The following CENPQ variants were observed in gnomAD, a reference collection of about 807,000 sequenced individuals.
The protein encoded by CENPQ is centromere protein Q.
Under a neutral mutation model 36.6 loss-of-function variants are expected in CENPQ, and 27 were observed. The observed-to-expected ratio is 0.74, with a 90% CI of 0.54 to 1.02. The LOEUF (loss-of-function observed/expected upper bound fraction) is 1.02. Among genes scored for constraint, CENPQ ranks in the 50% least tolerant of loss-of-function variants. The probability of loss-of-function intolerance (pLI) is 0.00; values close to 1 mark genes in which losing one functional copy is unlikely to be tolerated. For missense variants in CENPQ, 306 were observed against 301.8 expected (o/e 1.01, Z -0.10); for synonymous variants, 101 against 101.7 (o/e 0.99, Z 0.04).
At chr6:49,489,869 G>T (rs1378333253) in intron 8 of CENPQ, among the ~76,000 whole-genome samples, 1 of 152,154 alleles carries the variant, frequency 6.6e-6, no homozygotes, top group Non-Finnish European at 1.5e-5. Context: ...TTAACAGTGG[G>T]CTTAAAATAT....
Position 49,488,461 on chromosome 6 carries a change from G to T in CENPQ, c.587G>T (p.Arg196Ile), listed in dbSNP as rs1193168229. 1.2e-6 allele frequency: 2 copies of T among 1,611,938 alleles called. No homozygotes were observed. The highest frequency in any genetic ancestry group is 1.3e-5 in the African/African-American group (1 of 74,918). The change falls in exon 7 of 9, where the codon AGA (arginine) becomes ATA (isoleucine). Residue 196 changes from arginine (R) to isoleucine (I), a missense_variant. Physicochemically the swap from Arg to Ile is moderately conservative, Grantham distance 97 (BLOSUM62 -3). Transcript: ENST00000335783. ...AGTGAGGTGGAAGAAGAAGAGGAGA[G>T]AGTAAAACAGGTAATTATTTTAAAC... ...LASEVEEEEERVKQMHQINSS... is the reference protein window; with the variant it reads ...LASEVEEEEEIVKQMHQINSS...
At chr6:49,478,451 C>A (rs1299602314) in intron 5 of CENPQ, among the ~76,000 whole-genome samples, 1 of 152,062 alleles carries the variant, frequency 6.6e-6, no homozygotes, top group East Asian at 1.9e-4. Flanking sequence ...TCTGGGAAGT[C>A]ATTTTCATAT....
At chr6:49,463,719 C>G (rs1767924863) in intron 1 of CENPQ, among the ~76,000 whole-genome samples, 1 of 152,120 alleles carries the variant, frequency 6.6e-6, no homozygotes, top group African/African-American at 2.4e-5. Context: ...TAAATTTCTC[C>G]CGCGGGCACT....
At chr6:49,473,513 G>T (rs1011402172) in intron 5 of CENPQ, among the ~76,000 whole-genome samples, 2 of 152,136 alleles carry the variant, frequency 1.3e-5, no homozygotes. Flanking sequence ...AAGAGCTTCT[G>T]AAGGAAGCAC....
chr6:49,489,085 C>T (rs1373598631), intron 8 of CENPQ, among the ~76,000 whole-genome samples: 1 of 152,062 alleles, frequency 6.6e-6, no homozygotes, highest in African/African-American at 2.4e-5. Context: ...TGAAATTTGC[C>T]ACATCAGTTG....
intron 6 of CENPQ, among the ~76,000 whole-genome samples, chr6:49,487,637 A>G (rs1768622370): frequency 6.6e-6 from 1 of 152,120 alleles, no homozygotes; most frequent in Non-Finnish European, 1.5e-5. Context: ...CTTGTTCCCC[A>G]AAGCATACAG....
Position 49,492,507 on chromosome 6 carries a change from ATAAG to A in CENPQ, c.*235_*238del. Reference sequence around the variant, plus strand: ...AACTAACATTTATATTGCTGTATCTATAAGTATTTGCCTAAAACCATAAAATAGG... The same window carrying A: ...AACTAACATTTATATTGCTGTATCTATATTTGCCTAAAACCATAAAATAGG... On this transcript the variant is annotated 3_prime_UTR_variant, in exon 9 of 9. Transcript: ENST00000335783. 2.6e-6 allele frequency: 1 copy of A among 378,888 alleles called. No individual in the cohort carries two copies. The highest frequency in any genetic ancestry group is 4.6e-6 in the Non-Finnish European group (1 of 215,544). The allele number at this position is 378,888 out of a possible 1,614,324, so 23.5% of individuals were successfully genotyped here. A position where few individuals can be genotyped will look rare whatever the true frequency, so the allele number is the denominator to read the frequency against.
chr6:49,482,034 A>G (rs1453635682), intron 6 of CENPQ, among the ~76,000 whole-genome samples: 3 of 151,834 alleles, frequency 2.0e-5, no homozygotes, highest in African/African-American at 7.3e-5. Flanking sequence ...CTGCTGGGGG[A>G]CCCAGTACAC....
chr6:49,472,042 C>T (rs1211649062), intron 3 of CENPQ, 21 bp from the exon 4 acceptor site: 4 of 1,597,298 alleles, frequency 2.5e-6, no homozygotes, highest in Non-Finnish European at 3.4e-6. Flanking sequence ...TGATCAGAGC[C>T]TCTTCTATTA....
rs769610726 is a variant in CENPQ at position 49,488,609 on chromosome 6, G to T, written c.600G>T (p.Met200Ile). 9.9e-6 allele frequency: 16 copies of T among 1,612,094 alleles called. No homozygotes were observed. In the Admixed American group the frequency reaches 1.7e-4, roughly 17 times the overall value. The change falls in exon 8 of 9, where the codon ATG becomes ATT. Residue 200 changes from methionine to isoleucine, a missense_variant and splice_region_variant. Coordinates refer to ENST00000335783, the MANE Select transcript of CENPQ (RefSeq NM_018132.4). ...TCTGTAGCTTTCTTCTACTTTAGAT[G>T]CATCAAATAAATAGTAGTGGAGTAC... ...VEEEEERVKQMHQINSSGVLS... is the reference protein window; with the variant it reads ...VEEEEERVKQIHQINSSGVLS...
chr6:49,478,491 G>T (rs1226876952), intron 5 of CENPQ, among the ~76,000 whole-genome samples: 1 of 151,904 alleles, frequency 6.6e-6, no homozygotes, highest in African/African-American at 2.4e-5. Flanking sequence ...TTGACTAAAC[G>T]TTAGCTTCAT....
rs2501966 is a variant in CENPQ, at chr6:49,490,122, A to T, written c.675+1438A>T. ...CATTGCCTTCTCTTTTCCAACTATCAAAGTCCTAGAGATAGCATCTTCTTC... is the reference window on the plus strand; with the variant it reads ...CATTGCCTTCTCTTTTCCAACTATCTAAGTCCTAGAGATAGCATCTTCTTC... On this transcript the variant is annotated intron_variant, in intron 8 of 8. Coordinates refer to ENST00000335783, the MANE Select transcript of CENPQ (RefSeq NM_018132.4). 8.5e-4 allele frequency among the ~76,000 whole-genome samples: 129 copies of T among 152,102 alleles called. 1 individual carries two copies. Among genetic ancestry groups the T allele is most frequent in the African/African-American group, 3.0e-3 (123 of 41,494 alleles).
At chr6:49,468,323 T>C (rs1768051143) in intron 1 of CENPQ, among the ~76,000 whole-genome samples, 1 of 152,016 alleles carries the variant, frequency 6.6e-6, no homozygotes, top group Non-Finnish European at 1.5e-5. Flanking sequence ...CCGGGCTCAG[T>C]GGCTCACGCC....
At chr6:49,485,680 G>T (rs374685647) in intron 6 of CENPQ, among the ~76,000 whole-genome samples, 116 of 152,034 alleles carry the variant, frequency 7.6e-4, no homozygotes, top group African/African-American at 2.7e-3. Context: ...AGAAAACCTT[G>T]CAGATATGTA....
rs1166791239 is a variant in CENPQ, at chr6:49,492,944, AC to A, written c.*672del. 6.6e-6 allele frequency: 1 copy of A among 152,536 alleles called. No homozygotes were observed. Among genetic ancestry groups the A allele is most frequent in the Non-Finnish European group, 1.5e-5 (1 of 68,022 alleles). 9.4% of individuals were successfully genotyped at this position (152,536 alleles called of 1,614,324 possible). The stretch of plus-strand genomic sequence containing the variant: ...ACATTTATTTTATTAAAACAAGAAA[AC>A]CCAAAATATATAAACCTTTTCTTAT... On this transcript the variant is annotated 3_prime_UTR_variant, in exon 9 of 9. Coordinates refer to ENST00000335783, the MANE Select transcript of CENPQ (RefSeq NM_018132.4).
intron 1 of CENPQ, 40 bp from the exon 2 acceptor site, chr6:49,470,118 TG>T (rs1223062637): frequency 2.5e-5 from 22 of 892,852 alleles, no homozygotes; most frequent in Non-Finnish European, 3.1e-5. Flanking sequence ...TAGCTTTTTT[TG>T]TATTATTTTC....
chr6:49,477,585 ATGT>A (rs1251754564), intron 5 of CENPQ, among the ~76,000 whole-genome samples: 1 of 151,902 alleles, frequency 6.6e-6, no homozygotes, highest in Non-Finnish European at 1.5e-5. Context: ...AAAAAAGAAA[ATGT>A]TCTGTTTCTC....
intron 6 of CENPQ, among the ~76,000 whole-genome samples, chr6:49,485,945 T>C (rs985157216): frequency 2.6e-5 from 4 of 152,200 alleles, no homozygotes; most frequent in African/African-American, 7.2e-5. Flanking sequence ...AATGCTGTTA[T>C]ACATTCCCTT....
chr6:49,468,179 G>T (rs1239371570), intron 1 of CENPQ, among the ~76,000 whole-genome samples: 2 of 151,908 alleles, frequency 1.3e-5, no homozygotes, highest in Admixed American at 1.3e-4. Context: ...ATTGACTTAG[G>T]TACATGTACC....
Sources: allele counts gnomAD v4.1 joint callset (sites outside exome capture counted in the v4.1 genomes callset), GRCh38; gene constraint gnomAD v4.1.1; transcripts MANE v1.5; gene names NCBI Gene and HGNC (gene_info 2026-07-23, HGNC 2026-07-21).